TENM3: variants seen among roughly 807,000 people sequenced by gnomAD.
TENM3 encodes teneurin transmembrane protein 3.
In TENM3, 63 loss-of-function variants were observed where a neutral mutation model predicts 255.1. That is an observed-to-expected ratio of 0.25 (90% CI 0.20 to 0.30). The LOEUF is 0.30. Among genes scored for constraint, TENM3 ranks in the 10% least tolerant of loss-of-function variants. The pLI, the probability that TENM3 is intolerant of heterozygous loss-of-function variation, is 1.00. For missense variants in TENM3, 2,929 were observed against 3,461.1 expected (o/e 0.85, Z 3.86); for synonymous variants, 1,306 against 1,322.3 (o/e 0.99, Z 0.27).
chr4:181,884,312 A>G, the TENM3 span, among the ~76,000 whole-genome samples: 1 of 151,198 alleles, frequency 6.6e-6, no homozygotes, highest in Non-Finnish European at 1.5e-5. Flanking sequence ...TAATAAATAT[A>G]TAATGTAAAA....
At chr4:181,904,392 C>T in the TENM3 span, among the ~76,000 whole-genome samples, 5 of 152,182 alleles carry the variant, frequency 3.3e-5, no homozygotes, top group Admixed American at 2.6e-4. Context: ...TGGTAGATGC[C>T]CCAATCACTC....
the TENM3 span, among the ~76,000 whole-genome samples, chr4:181,710,305 T>G: frequency 7.2e-5 from 11 of 152,094 alleles, no homozygotes; most frequent in Admixed American, 7.2e-4. Flanking sequence ...GAAGTCAGGT[T>G]GCATTTCAAA....
rs536911864 is a variant in TENM3 at position 182,784,735 on chromosome 4, G to T, written c.5305-4358G>T. ...CGTGGGCGTAGGACCCTCCCAGCCA[G>T]GTGCGGGATATAATCTCCTGGTGTG... On this transcript the variant is annotated intron_variant, in intron 24 of 27. Transcript: ENST00000511685. Among the ~76,000 whole-genome samples the T allele has an allele frequency of 4.6e-3, 706 of 152,078 alleles. 3 individuals carry two copies. The highest frequency in any genetic ancestry group is 8.5e-3 in the African/African-American group (354 of 41,456).
chr4:181,602,368 C>A, the TENM3 span, among the ~76,000 whole-genome samples: 1 of 152,290 alleles, frequency 6.6e-6, no homozygotes, highest in African/African-American at 2.4e-5. Flanking sequence ...ATTTGCATTT[C>A]TCTGGTTCCT....
chr4:181,708,070 T>C, the TENM3 span, among the ~76,000 whole-genome samples: 1 of 152,204 alleles, frequency 6.6e-6, no homozygotes, highest in East Asian at 1.9e-4. Context: ...TTACTTTTCA[T>C]TTCATTCCAG....
At chr4:182,557,333 A>C (rs1471146249) in intron 3 of TENM3, among the ~76,000 whole-genome samples, 1 of 152,152 alleles carries the variant, frequency 6.6e-6, no homozygotes, top group Non-Finnish European at 1.5e-5. Flanking sequence ...TGAACTAAGT[A>C]CTCTGAGCTT....
At chr4:181,940,703 A>G in the TENM3 span, among the ~76,000 whole-genome samples, 26,487 of 152,174 alleles carry the variant, frequency 0.17, 2,395 homozygotes, top group South Asian at 0.3. Flanking sequence ...GATATCAGGA[A>G]ACAGCACAAA....
chr4:181,911,038 T>C, the TENM3 span, among the ~76,000 whole-genome samples: 138 of 152,328 alleles, frequency 9.1e-4, 1 homozygote, highest in African/African-American at 3.2e-3. Context: ...TCAAAAGGTA[T>C]GTAAATTTAT....
At chr4:181,661,801 A>C in the TENM3 span, among the ~76,000 whole-genome samples, 1 of 151,908 alleles carries the variant, frequency 6.6e-6, no homozygotes, top group African/African-American at 2.4e-5. Context: ...TAAAACAGTA[A>C]GTGGATTTTT....
Position 182,213,299 on chromosome 4 carries a change from CAG to C in TENM3, c.-76+68546_-76+68547del, listed in dbSNP as rs546315551. Reference sequence around the variant, plus strand: ...CAAATGTTATATGTAAGTGAAAAAACAGGGGATAAAAAGCAACATTGAAAAGA... The same window carrying C: ...CAAATGTTATATGTAAGTGAAAAAACGGGATAAAAAGCAACATTGAAAAGA... On this transcript the variant is annotated intron_variant, in intron 1 of 2. Coordinates refer to the TENM3 transcript ENST00000512480. Among the ~76,000 whole-genome samples, 135 of 152,206 alleles carry C rather than the reference CAG, an allele frequency of 8.9e-4. 1 individual carries two copies. Among genetic ancestry groups the C allele is most frequent in the African/African-American group, 2.1e-3 (88 of 41,542 alleles).
the TENM3 span, among the ~76,000 whole-genome samples, chr4:181,868,637 C>T: frequency 6.6e-6 from 1 of 152,066 alleles, no homozygotes; most frequent in Non-Finnish European, 1.5e-5. Flanking sequence ...ACAGCAACTG[C>T]CTTTTATAAT....
At chr4:181,466,317 C>T in the TENM3 span, among the ~76,000 whole-genome samples, 391 of 152,072 alleles carry the variant, frequency 2.6e-3, 2 homozygotes, top group African/African-American at 9.2e-3. Context: ...GGGGTTTCAC[C>T]ATGTTGATTA....
At chr4:181,571,129 T>C in the TENM3 span, among the ~76,000 whole-genome samples, 1 of 152,108 alleles carries the variant, frequency 6.6e-6, no homozygotes, top group Non-Finnish European at 1.5e-5. Context: ...GCCGGTGCTG[T>C]TCCTCAATTG....
the TENM3 span, among the ~76,000 whole-genome samples, chr4:181,730,021 C>T: frequency 1.3e-5 from 2 of 152,258 alleles, no homozygotes; most frequent in Admixed American, 6.5e-5. Context: ...GTCTCTCGCG[C>T]GGACCAAAGG....
chr4:181,550,134 T>G, the TENM3 span, among the ~76,000 whole-genome samples: 2 of 152,220 alleles, frequency 1.3e-5, no homozygotes, highest in Non-Finnish European at 2.9e-5. Context: ...ATGTTTTCAC[T>G]GAAGTCACAA....
chr4:182,598,498 C>T (rs146194220), intron 3 of TENM3, among the ~76,000 whole-genome samples: 15 of 149,774 alleles, frequency 1.0e-4, no homozygotes, highest in African/African-American at 2.2e-4. Context: ...ATTTTTGAAA[C>T]CTTAATGGAA....
chr4:181,657,399 C>CA, the TENM3 span, among the ~76,000 whole-genome samples: 4 of 151,894 alleles, frequency 2.6e-5, no homozygotes, highest in African/African-American at 7.3e-5. Context: ...TACAAGTGGC[C>CA]AAAAAACGTA....
At chr4:182,303,036 T>C (rs181752894) in intron 1 of TENM3, among the ~76,000 whole-genome samples, 2 of 152,216 alleles carry the variant, frequency 1.3e-5, no homozygotes. Context: ...GAGTTTTTCT[T>C]AGTGTTTGTT....
chr4:182,161,806 C>CAA (rs1554023590), intron 1 of TENM3, among the ~76,000 whole-genome samples: 8,964 of 15,818 alleles, frequency 0.57, 3,514 homozygotes, highest in Middle Eastern at 0.79. Context: ...TATATATACA[C>CAA]ATATATATGT....
Sources: allele counts gnomAD v4.1 joint callset (sites outside exome capture counted in the v4.1 genomes callset), GRCh38; gene constraint gnomAD v4.1.1; transcripts MANE v1.5; gene names NCBI Gene and HGNC (gene_info 2026-07-23, HGNC 2026-07-21).